NMRAL1: variants seen among roughly 807,000 people sequenced by gnomAD.
NMRAL1 encodes NmrA like redox sensor 1.
In NMRAL1, 32 loss-of-function variants were observed where a neutral mutation model predicts 27.5. The observed-to-expected ratio is 1.16, with a 90% confidence interval of 0.88 to 1.56. The LOEUF (loss-of-function observed/expected upper bound fraction) is 1.56. Among genes scored for constraint, NMRAL1 ranks in the 40% most tolerant of loss-of-function variants. The probability of loss-of-function intolerance (pLI) is 0.00; values close to 1 mark genes in which losing one functional copy is unlikely to be tolerated. For synonymous variants in NMRAL1, 166 were observed against 166.8 expected, an observed-to-expected ratio of 1.00 and a Z score of 0.04; for missense variants, 420 against 392.0, an observed-to-expected ratio of 1.07 and a Z score of -0.60.
chr16:4,474,964 T>A (rs2057774129), upstream of NMRAL1: 1 of 152,228 alleles, frequency 6.6e-6, no homozygotes, highest in South Asian at 2.1e-4. Context: ...TTATTTTTAT[T>A]TTTTTGAGAC....
intron 3 of NMRAL1, among the ~76,000 whole-genome samples, chr16:4,467,353 C>G (rs1261337618): frequency 3.3e-5 from 5 of 152,074 alleles, no homozygotes; most frequent in African/African-American, 9.7e-5. Flanking sequence ...CCTGCCTCAC[C>G]CTCCTGAGTC....
Position 4,463,647 on chromosome 16 carries a change from G to A in NMRAL1, c.720+13C>T. ...GACAAGGATGCCTGAGTCACCTGGG[G>A]CGGGAGGCCCACCTTGGCATCGTGC... is the stretch of plus-strand genomic sequence containing the variant. On this transcript the variant is annotated intron_variant, in intron 5 of 5. Coordinates refer to ENST00000283429, the MANE Select transcript of NMRAL1 (RefSeq NM_020677.6). The A allele has an allele frequency of 1.2e-6, 2 of 1,611,784 alleles. No homozygotes were observed. The highest frequency in any genetic ancestry group is 1.1e-5 in the South Asian group (1 of 90,998).
intron 2 of NMRAL1, among the ~76,000 whole-genome samples, chr16:4,473,742 A>G (rs1567366791): frequency 6.6e-6 from 1 of 152,074 alleles, no homozygotes; most frequent in Admixed American, 6.6e-5. Context: ...CCTGACCAAT[A>G]TGATGAAACC....
chr16:4,465,834 C>T (rs1408460903), intron 4 of NMRAL1, among the ~76,000 whole-genome samples: 1 of 152,202 alleles, frequency 6.6e-6, no homozygotes, highest in Admixed American at 6.5e-5. Context: ...TAAGCCACAG[C>T]GCCCGGCCCT....
intron 2 of NMRAL1, chr16:4,469,680 G>T: frequency 1.0e-6 from 1 of 998,150 alleles, no homozygotes; most frequent in Non-Finnish European, 1.4e-6. Flanking sequence ...CACGATCTTG[G>T]CTTGGTGAAA....
At chr16:4,466,898 C>T (rs2141433970) in intron 3 of NMRAL1, 1 of 163,166 alleles carries the variant, frequency 6.1e-6, no homozygotes, top group South Asian at 1.6e-4. Flanking sequence ...GACAACACTA[C>T]CTACTGCATG....
In NMRAL1 at chr16:4,464,081, G is replaced by C. The variant is rs573062616; in HGVS notation, c.530-231C>G. On this transcript the variant is annotated intron_variant, in intron 4 of 5. Transcript: ENST00000283429. Reference sequence around the variant, plus strand: ...ACTGCCACCTAGGGCAGGCTGTTGAGGCTCTCTGAGCCTGGGTTGCTGCAT... The same window carrying C: ...ACTGCCACCTAGGGCAGGCTGTTGACGCTCTCTGAGCCTGGGTTGCTGCAT... 104 of 540,190 alleles carry C rather than the reference G, an allele frequency of 1.9e-4. No homozygotes were observed. The East Asian group carries it at 3.4e-3, about 17-fold the overall frequency. 33.5% of individuals were successfully genotyped at this position (540,190 alleles called of 1,614,324 possible). A position where few individuals can be genotyped will look rare whatever the true frequency, so the allele number is the denominator to read the frequency against.
At chr16:4,474,819 T>C (rs573157108), upstream of NMRAL1, 2 of 152,282 alleles carry the variant, frequency 1.3e-5, no homozygotes, top group African/African-American at 2.4e-5. Flanking sequence ...AATTACCTCT[T>C]TATCTTGCAT....
At chr16:4,472,258 A>C (rs781061662) in intron 2 of NMRAL1, among the ~76,000 whole-genome samples, 3 of 152,114 alleles carry the variant, frequency 2.0e-5, no homozygotes, top group African/African-American at 7.2e-5. Context: ...CCTGACCAAC[A>C]TGGTGAAACC....
At chr16:4,471,084 G>T (rs2057549432) in intron 2 of NMRAL1, among the ~76,000 whole-genome samples, 1 of 152,062 alleles carries the variant, frequency 6.6e-6, no homozygotes, top group Non-Finnish European at 1.5e-5. Flanking sequence ...TCCAGCCTGG[G>T]TGACACAGTG....
intron 3 of NMRAL1, chr16:4,466,822 A>G: frequency 4.7e-6 from 1 of 213,294 alleles, no homozygotes; most frequent in Non-Finnish European, 9.6e-6. Flanking sequence ...AGGCTCTGCC[A>G]TGTACGAGCA....
Position 4,466,301 on chromosome 16 carries a change from G to A in NMRAL1, c.381C>T (p.Ala127=), listed in dbSNP as rs373702713. 65 of 1,613,998 alleles carry A rather than the reference G, an allele frequency of 4.0e-5. No homozygotes were observed. Among genetic ancestry groups the A allele is most frequent in the Admixed American group, 1.8e-4 (11 of 60,002 alleles). ...IKKLTAGRLA[A]AHFDGKGEVE... ...CCTCCCCTTTGCCGTCAAAGTGCGC[G>A]GCGGCCAATCTCCCTGCCGTCAGCT... is the stretch of plus-strand genomic sequence containing the variant. The change falls in exon 4 of 6, where the codon GCC becomes GCT. Residue 127 remains alanine, a synonymous_variant. Coordinates refer to ENST00000283429, the MANE Select transcript of NMRAL1 (RefSeq NM_020677.6).
chr16:4,462,388 G>A (rs1214709459), intron 5 of NMRAL1, among the ~76,000 whole-genome samples: 1 of 152,164 alleles, frequency 6.6e-6, no homozygotes, highest in African/African-American at 2.4e-5. Flanking sequence ...TGAGACAGGA[G>A]AATCGCTTGA....
At chr16:4,474,374 C>T in intron 1 of NMRAL1, 180 bp downstream of exon 1, 1 of 493,890 alleles carries the variant, frequency 2.0e-6, no homozygotes. Flanking sequence ...CCGCCTCCCC[C>T]GGTTCCAGTC....
Position 4,466,345 on chromosome 16 carries a change from C to T in NMRAL1, c.337G>A (p.Gly113Ser), listed in dbSNP as rs558451515. 1.4e-5 allele frequency: 23 copies of T among 1,613,744 alleles called. No homozygotes were observed. The highest frequency in any genetic ancestry group is 6.7e-5 in the African/African-American group (5 of 75,024). ...RLGLHYVVYS[G>S]LENIKKLTAG... Reference sequence around the variant, plus strand: ...GTCAGCTTCTTGATGTTCTCCAGGCCGCTGTAGACCACATAGTGGAGGCCC... The same window carrying T: ...GTCAGCTTCTTGATGTTCTCCAGGCTGCTGTAGACCACATAGTGGAGGCCC... The change falls in exon 4 of 6, where the codon GGC becomes AGC. Residue 113 changes from glycine to serine, a missense_variant. Physicochemically the swap from Gly to Ser is moderately conservative, Grantham distance 56. Transcript: ENST00000283429.
chr16:4,464,467 ACTGT>A (rs2057236956), intron 4 of NMRAL1, among the ~76,000 whole-genome samples: 1 of 152,080 alleles, frequency 6.6e-6, no homozygotes, highest in South Asian at 2.1e-4. Context: ...GAGGCTGGCA[ACTGT>A]CTGGGTGTGG....
intron 2 of NMRAL1, among the ~76,000 whole-genome samples, chr16:4,472,160 G>A (rs952636286): frequency 3.9e-5 from 6 of 152,112 alleles, no homozygotes; most frequent in South Asian, 4.1e-4. Context: ...ATCCACTGAC[G>A]AATGGACAAA....
Position 4,469,322 on chromosome 16 carries a change from G to T in NMRAL1, c.184C>A (p.Gln62Lys). 1 of 1,614,070 alleles carries T rather than the reference G, an allele frequency of 6.2e-7. No homozygotes were observed. Among genetic ancestry groups the T allele is most frequent in the Non-Finnish European group, 8.5e-7 (1 of 1,179,918 alleles). The change falls in exon 3 of 6, where the codon CAG (glutamine) becomes AAG (lysine). Residue 62 changes from glutamine to lysine, a missense_variant. Gln to Lys is a moderately conservative substitution (Grantham distance 53, BLOSUM62 1). Transcript: ENST00000283429. ...AEVVQGDQDD[Q>K]VIMELALNGA... Reference sequence around the variant, plus strand: ...TTCAGGGCCAGCTCCATGATGACCTGGTCATCTTGGTCTCCCTGCACTACT... The same window carrying T: ...TTCAGGGCCAGCTCCATGATGACCTTGTCATCTTGGTCTCCCTGCACTACT...
intron 2 of NMRAL1, among the ~76,000 whole-genome samples, chr16:4,473,774 A>C (rs534577026): frequency 7.9e-5 from 12 of 152,168 alleles, no homozygotes; most frequent in African/African-American, 2.9e-4. Flanking sequence ...AAAAATACAA[A>C]AATTAGCCGG....
Sources: allele counts gnomAD v4.1 joint callset (sites outside exome capture counted in the v4.1 genomes callset), GRCh38; gene constraint gnomAD v4.1.1; transcripts MANE v1.5; gene names NCBI Gene and HGNC (gene_info 2026-07-23, HGNC 2026-07-21).